The following BMPR2 variants were observed in gnomAD, a reference collection of about 807,000 sequenced individuals.
BMPR2 encodes bone morphogenetic protein receptor type-2.
BMPR2 carries 29 observed loss-of-function variants against 100.8 expected under a neutral mutation model. The observed-to-expected ratio is 0.29, with a 90% CI of 0.21 to 0.39. The LOEUF (loss-of-function observed/expected upper bound fraction) is 0.39, where lower values mean the gene tolerates loss of function less well. Among genes scored for constraint, BMPR2 ranks in the 10% least tolerant of loss-of-function variants. The pLI is 1.00. For synonymous variants in BMPR2, 382 were observed against 442.3 expected (o/e 0.86, Z 1.71); for missense variants, 1,011 against 1,274.5 (o/e 0.79, Z 3.15).
chr2:202,448,550 G>C (rs1355447036), intron 1 of BMPR2, among the ~76,000 whole-genome samples: 1 of 151,180 alleles, frequency 6.6e-6, no homozygotes, highest in African/African-American at 2.4e-5. Context: ...TCCTCCTCCC[G>C]GGTTCAAGCA....
chr2:202,495,775 A>G lies in BMPR2; in HGVS notation c.419-17944A>G, dbSNP rs1467175681. ...TAAAACTTTTTTCATTCTCTCCAAT[A>G]TATGAATTAATAATCCATTTCAGAT... On this transcript the variant is annotated intron_variant, in intron 3 of 12. Transcript: ENST00000374580. The surrounding 1 kb of genome is among the most constrained non-coding windows in gnomAD (Gnocchi z 4.5). Among the ~76,000 whole-genome samples the G allele has an allele frequency of 6.6e-6, 1 of 152,206 alleles. No individual in the cohort carries two copies.
chr2:202,530,835 A>C lies in BMPR2; in HGVS notation c.1009A>C (p.Arg337=). ...PAISHRDLNS[R]NVLVKNDGTC... The stretch of plus-strand genomic sequence containing the variant: ...AATTTCCCATCGAGATTTAAACAGC[A>C]GAAATGTCCTAGTGAAAAATGATGG... The change falls in exon 8 of 13, where the codon AGA becomes CGA. Residue 337 remains arginine (R), a synonymous_variant. Transcript: ENST00000374580. 1 of 1,613,916 alleles carries C rather than the reference A, an allele frequency of 6.2e-7. No homozygotes were observed. Among genetic ancestry groups the C allele is most frequent in the Non-Finnish European group, 8.5e-7 (1 of 1,179,798 alleles).
intron 3 of BMPR2, among the ~76,000 whole-genome samples, chr2:202,497,719 T>C (rs1693071624): frequency 6.6e-6 from 1 of 152,224 alleles, no homozygotes; most frequent in South Asian, 2.1e-4. Flanking sequence ...TCCTAATGCC[T>C]GCCAGACAAA....
intron 1 of BMPR2, among the ~76,000 whole-genome samples, chr2:202,419,701 A>T (rs1196455318): frequency 4.6e-5 from 7 of 152,146 alleles, no homozygotes; most frequent in Non-Finnish European, 1.0e-4. Context: ...TGAAACAGTG[A>T]AGTATTTCAG....
At chr2:202,401,175 G>A (rs1467545075) in intron 1 of BMPR2, among the ~76,000 whole-genome samples, 5 of 152,182 alleles carry the variant, frequency 3.3e-5, no homozygotes, top group Non-Finnish European at 1.5e-5. Flanking sequence ...CAACTCAGCA[G>A]TAGTGAGTGA....
chr2:202,446,488 C>A (rs756597184), intron 1 of BMPR2, among the ~76,000 whole-genome samples: 1 of 150,124 alleles, frequency 6.7e-6, no homozygotes, highest in African/African-American at 2.5e-5. Context: ...ATTTTATGTT[C>A]GCTTGTGTTT....
At chr2:202,433,263 A>G (rs557734300) in intron 1 of BMPR2, among the ~76,000 whole-genome samples, 13 of 150,616 alleles carry the variant, frequency 8.6e-5, no homozygotes, top group African/African-American at 2.5e-4. Flanking sequence ...ATAGGTAGGT[A>G]GGTAGGTAGG....
At chr2:202,464,268 C>T (rs1365957230) in intron 1 of BMPR2, among the ~76,000 whole-genome samples, 6 of 150,484 alleles carry the variant, frequency 4.0e-5, no homozygotes, top group Admixed American at 6.6e-5. Flanking sequence ...CAAATGTACA[C>T]ACTTGTGCAA....
intron 1 of BMPR2, among the ~76,000 whole-genome samples, chr2:202,402,648 TTG>T (rs113771026): frequency 7.7e-4 from 112 of 146,180 alleles, no homozygotes; most frequent in East Asian, 2.2e-3. Flanking sequence ...AAAACTTGCA[TTG>T]TGTGTGTGTG....
intron 1 of BMPR2, among the ~76,000 whole-genome samples, chr2:202,394,969 T>C (rs1218042399): frequency 2.0e-5 from 3 of 151,824 alleles, no homozygotes; most frequent in African/African-American, 4.8e-5. Flanking sequence ...CACTGCAACC[T>C]CCGCCTCCCG....
chr2:202,467,672 C>T lies in BMPR2; in HGVS notation c.401C>T (p.Pro134Leu). 6.2e-7 allele frequency: 1 copy of T among 1,612,278 alleles called. No individual in the cohort carries two copies. The highest frequency in any genetic ancestry group is 8.5e-7 in the Non-Finnish European group (1 of 1,178,316). ...AACTTTACTGAGAATTTTCCACCTC[C>T]TGACACAACACCACTCAGTAAGTAA... ...NVNFTENFPPPDTTPLSPPHS... is the reference protein window; with the variant it reads ...NVNFTENFPPLDTTPLSPPHS... The change falls in exon 3 of 13, where the codon CCT (proline) becomes CTT (leucine). Residue 134 changes from proline (P) to leucine (L), a missense_variant. By Grantham distance (98) the Pro-to-Leu change is moderately conservative (BLOSUM62 -3). Around this residue, in one of 6 missense-constraint regions of BMPR2, gnomAD observed 355 missense variants for 455.3 expected, o/e 0.78. Coordinates refer to ENST00000374580, the MANE Select transcript of BMPR2 (RefSeq NM_001204.7).
chr2:202,557,464 AACAC>A (rs138065331), intron 12 of BMPR2, among the ~76,000 whole-genome samples: 17,364 of 125,178 alleles, frequency 0.14, 1,146 homozygotes, highest in Middle Eastern at 0.16. Context: ...CTCTGTCTCA[AACAC>A]ACACACACAC....
At chr2:202,473,287 G>T (rs1374816462) in intron 3 of BMPR2, among the ~76,000 whole-genome samples, 6 of 152,026 alleles carry the variant, frequency 3.9e-5, no homozygotes, top group African/African-American at 7.2e-5. Context: ...ACAAAAATTA[G>T]CTGGGCATAG....
chr2:202,390,807 A>G lies in BMPR2; in HGVS notation c.76+13257A>G, dbSNP rs553806091. On this transcript the variant is annotated intron_variant, in intron 1 of 12. Coordinates refer to ENST00000374580, the MANE Select transcript of BMPR2 (RefSeq NM_001204.7). Reference sequence around the variant, plus strand: ...TTTCTCTGAATTGCCTATTCTAATGATTTGTTTGTTTTTCTTACTGATTTA... The same window carrying G: ...TTTCTCTGAATTGCCTATTCTAATGGTTTGTTTGTTTTTCTTACTGATTTA... Among the ~76,000 whole-genome samples, 138 of 151,814 alleles carry G rather than the reference A, an allele frequency of 9.1e-4. 1 individual carries two copies. The highest frequency in any genetic ancestry group is 3.1e-3 in the African/African-American group (130 of 41,386).
rs988746201 is a variant in BMPR2 at position 202,555,856 on chromosome 2, G to A, written c.2191G>A (p.Ala731Thr). The change falls in exon 12 of 13, where the codon GCA becomes ACA. Residue 731 changes from alanine to threonine, a missense_variant. By Grantham distance (58) the Ala-to-Thr change is moderately conservative. This residue lies in a region of BMPR2 where 508 missense variants were observed against 552.0 expected (regional missense o/e 0.92). Coordinates refer to ENST00000374580, the MANE Select transcript of BMPR2 (RefSeq NM_001204.7). Reference sequence around the variant, plus strand: ...CTTCACACAGACTGCAAATGGCCAAGCATGTTTGATTCCTGATGTTCTGCC... The same window carrying A: ...CTTCACACAGACTGCAAATGGCCAAACATGTTTGATTCCTGATGTTCTGCC... ...QDFTQTANGQ[A>T]CLIPDVLPTQ... The A allele has an allele frequency of 6.2e-7, 1 of 1,614,016 alleles. No individual in the cohort carries two copies. Among genetic ancestry groups the A allele is most frequent in the Non-Finnish European group, 8.5e-7 (1 of 1,180,032 alleles).
intron 3 of BMPR2, among the ~76,000 whole-genome samples, chr2:202,502,531 G>T (rs985782331): frequency 6.6e-6 from 1 of 151,718 alleles, no homozygotes; most frequent in Non-Finnish European, 1.5e-5. Context: ...TAAAAGCCAG[G>T]GTAAATTTCT....
In BMPR2 at chr2:202,376,607, G is replaced by A. The variant is rs566733210; in HGVS notation, c.-868G>A. Among the ~76,000 whole-genome samples the A allele has an allele frequency of 4.2e-5, 6 of 142,444 alleles. No homozygotes were observed. Among genetic ancestry groups the A allele is most frequent in the Admixed American group, 3.0e-4 (4 of 13,508 alleles). 93.4% of individuals were successfully genotyped at this position (142,444 alleles called of 152,430 possible). A position where few individuals can be genotyped will look rare whatever the true frequency, so the allele number is the denominator to read the frequency against. On this transcript the variant is annotated 5_prime_UTR_variant, in exon 1 of 13. Coordinates refer to ENST00000374580, the MANE Select transcript of BMPR2 (RefSeq NM_001204.7). ...CTCACAGGAGCCATTGACGGGAGAA[G>A]AGGAGGCTTTCTTGGTGGAATTTAC...
At chr2:202,530,288 T>C (rs1022258376) in intron 7 of BMPR2, among the ~76,000 whole-genome samples, 16 of 152,144 alleles carry the variant, frequency 1.1e-4, no homozygotes, top group Admixed American at 7.2e-4. Context: ...GTGGTTAGAT[T>C]TGAAAAGCTG....
chr2:202,508,521 A>G (rs946671848), intron 3 of BMPR2, among the ~76,000 whole-genome samples: 1 of 152,236 alleles, frequency 6.6e-6, no homozygotes, highest in African/African-American at 2.4e-5. Context: ...TTGATGAAAT[A>G]TGGGAGTTGT....
Sources: gnomAD v4.1 joint callset for allele counts (sites outside exome capture counted in the v4.1 genomes callset) on GRCh38, gnomAD v4.1.1 for gene constraint, gnomAD v4.1.1 regional missense constraint, Gnocchi (gnomAD v3.1) non-coding constraint, MANE v1.5 for transcripts, NCBI Gene and HGNC (gene_info 2026-07-23, HGNC 2026-07-21) for gene names.